Variants in SFXN5 observed in about 807,000 individuals in gnomAD.
SFXN5 encodes sideroflexin-5.
Under a neutral mutation model 50.2 loss-of-function variants are expected in SFXN5, and 43 were observed. That is an observed-to-expected ratio of 0.86 (90% CI 0.67 to 1.11). The LOEUF is 1.11. Ranked by LOEUF, SFXN5 falls within the 50% of genes least tolerant of loss-of-function variation. The pLI, the probability that SFXN5 is intolerant of heterozygous loss-of-function variation, is 0.00. For synonymous variants in SFXN5, 203 were observed against 185.8 expected (o/e 1.09, Z -0.75); for missense variants, 463 against 454.1 (o/e 1.02, Z -0.18).
At chr2:72,962,833 C>A (rs1673900489) in intron 12 of SFXN5, among the ~76,000 whole-genome samples, 1 of 152,208 alleles carries the variant, frequency 6.6e-6, no homozygotes, top group Non-Finnish European at 1.5e-5. Context: ...GTTTGTCCAG[C>A]TGCTAAATCC....
rs1182003108 is a variant in SFXN5 at position 72,943,719 on chromosome 2, C to T, written c.*1303G>A. The T allele has an allele frequency of 6.5e-6, 1 of 152,758 alleles. No individual in the cohort carries two copies. Among genetic ancestry groups the T allele is most frequent in the African/African-American group, 2.4e-5 (1 of 41,456 alleles). 9.5% of individuals were successfully genotyped at this position (152,758 alleles called of 1,614,324 possible). A position where few individuals can be genotyped will look rare whatever the true frequency, so the allele number is the denominator to read the frequency against. ...GGGATATGGAGTCACATACACAAGGCAAGGCCTTCTGCTGAGGCCAACTGC... is the reference window on the plus strand; with the variant it reads ...GGGATATGGAGTCACATACACAAGGTAAGGCCTTCTGCTGAGGCCAACTGC... On this transcript the variant is annotated 3_prime_UTR_variant, in exon 14 of 14. Transcript: ENST00000272433.
intron 6 of SFXN5, among the ~76,000 whole-genome samples, chr2:73,009,073 G>T (rs750267202): frequency 6.6e-6 from 1 of 152,166 alleles, no homozygotes; most frequent in Admixed American, 6.5e-5. Flanking sequence ...AGCCTTACTC[G>T]CCCCTTCCCT....
rs549977417 is a variant in SFXN5 at position 72,961,603 on chromosome 2, T to C, written c.828-355A>G. Among the ~76,000 whole-genome samples the C allele has an allele frequency of 1.5e-3, 232 of 152,278 alleles. No individual in the cohort carries two copies. Among genetic ancestry groups the C allele is most frequent in the African/African-American group, 5.4e-3 (224 of 41,570 alleles). On this transcript the variant is annotated intron_variant, in intron 12 of 13. Coordinates refer to ENST00000272433, the MANE Select transcript of SFXN5 (RefSeq NM_144579.3). The surrounding 1 kb of genome is among the most constrained non-coding windows in gnomAD (Gnocchi z 4.4). ...GACACTCAAAGAGGCTGTCGGCCCC[T>C]GTTCCTGGGGAGACACATAGGGACG...
chr2:72,947,669 G>A (rs764903193), intron 13 of SFXN5, among the ~76,000 whole-genome samples: 21 of 152,204 alleles, frequency 1.4e-4, no homozygotes, highest in Non-Finnish European at 2.5e-4. Flanking sequence ...TAGAGCTGGT[G>A]GGCACAGTGG....
intron 3 of SFXN5, among the ~76,000 whole-genome samples, chr2:73,034,777 T>C (rs1029926489): frequency 2.0e-5 from 3 of 152,164 alleles, no homozygotes; most frequent in African/African-American, 7.2e-5. Context: ...CACTGACTGA[T>C]CCTACCACAA....
intron 10 of SFXN5, among the ~76,000 whole-genome samples, chr2:72,983,957 C>T (rs970564694): frequency 1.3e-5 from 2 of 152,190 alleles, no homozygotes; most frequent in Non-Finnish European, 2.9e-5. Context: ...CACTGTTTGC[C>T]CAGCTTCCCA....
At chr2:73,043,868 T>C (rs1447161762) in intron 2 of SFXN5, among the ~76,000 whole-genome samples, 1 of 152,164 alleles carries the variant, frequency 6.6e-6, no homozygotes, top group Non-Finnish European at 1.5e-5. Context: ...ATCTACAAAA[T>C]TGGATTGTGT....
At chr2:72,955,835 A>G (rs1479432436) in intron 13 of SFXN5, among the ~76,000 whole-genome samples, 7 of 152,148 alleles carry the variant, frequency 4.6e-5, no homozygotes, top group African/African-American at 1.4e-4. Flanking sequence ...CCCAATCACC[A>G]AAGGGGGCAA....
At position 72,944,032 on chromosome 2, in the gene SFXN5, C is replaced by T. The variant is rs1189961150; in HGVS notation, c.*990G>A. 3 of 152,288 alleles carry T rather than the reference C, an allele frequency of 2.0e-5. No individual in the cohort carries two copies. Among genetic ancestry groups the T allele is most frequent in the African/African-American group, 7.2e-5 (3 of 41,456 alleles). The allele number at this position is 152,288 out of a possible 1,614,324, so 9.4% of individuals were successfully genotyped here. On this transcript the variant is annotated 3_prime_UTR_variant, in exon 14 of 14. Coordinates refer to ENST00000272433, the MANE Select transcript of SFXN5 (RefSeq NM_144579.3). ...AGGAGCTGGCCTAGGCATTCTCAGG[C>T]ATGAGACCTTCCTGCTTAGAAAGGG... is the stretch of plus-strand genomic sequence containing the variant.
intron 6 of SFXN5, among the ~76,000 whole-genome samples, chr2:73,017,805 C>T (rs1000179199): frequency 6.6e-6 from 1 of 152,134 alleles, no homozygotes; most frequent in Non-Finnish European, 1.5e-5. Flanking sequence ...GAAGCAATGC[C>T]ACTCCAGTAA....
At chr2:73,047,498 T>C (rs1324976956) in intron 2 of SFXN5, among the ~76,000 whole-genome samples, 3 of 151,244 alleles carry the variant, frequency 2.0e-5, no homozygotes, top group African/African-American at 7.3e-5. Flanking sequence ...TAAATTATAA[T>C]AATCCCCCCA....
intron 4 of SFXN5, 103 bp downstream of exon 4, chr2:73,023,085 C>T (rs527972766): frequency 1.8e-4 from 215 of 1,190,212 alleles, no homozygotes; most frequent in South Asian, 1.5e-3. Flanking sequence ...TGTGAGAGCC[C>T]GAAGAGCCAC....
intron 6 of SFXN5, among the ~76,000 whole-genome samples, chr2:73,006,318 G>A (rs944240855): frequency 3.3e-5 from 5 of 152,112 alleles, no homozygotes; most frequent in Admixed American, 6.6e-5. Flanking sequence ...CCAGCCAACC[G>A]CAGATCCCTA....
chr2:72,970,577 AC>A (rs1675035431), intron 11 of SFXN5, among the ~76,000 whole-genome samples: 1 of 151,858 alleles, frequency 6.6e-6, no homozygotes, highest in African/African-American at 2.4e-5. Flanking sequence ...CACCCATCCT[AC>A]CCCATGCCCA....
At chr2:73,071,286 C>G (rs1379762570) in intron 1 of SFXN5, 2 of 374,258 alleles carry the variant, frequency 5.3e-6, no homozygotes, top group Non-Finnish European at 9.7e-6. Context: ...AGCAGCCGCT[C>G]GAAGCCGGGC....
intron 10 of SFXN5, 47 bp downstream of exon 10, chr2:72,988,211 C>A: frequency 6.4e-7 from 1 of 1,551,774 alleles, no homozygotes; most frequent in Non-Finnish European, 8.8e-7. Flanking sequence ...CCCAGCGGTC[C>A]CCCACACCCA....
At position 72,943,670 on chromosome 2, in the gene SFXN5, G is replaced by A. The variant is rs534909045; in HGVS notation, c.*1352C>T. 6.5e-6 allele frequency: 1 copy of A among 152,922 alleles called. No homozygotes were observed. Among genetic ancestry groups the A allele is most frequent in the African/African-American group, 2.4e-5 (1 of 41,596 alleles). 9.5% of individuals were successfully genotyped at this position (152,922 alleles called of 1,614,324 possible). A position where few individuals can be genotyped will look rare whatever the true frequency, so the allele number is the denominator to read the frequency against. On this transcript the variant is annotated 3_prime_UTR_variant, in exon 14 of 14. Coordinates refer to ENST00000272433, the MANE Select transcript of SFXN5 (RefSeq NM_144579.3). ...ACCTCCTCCTCCAGAACTGTAAAGT[G>A]TTTGGCAAAGGTCAACTGCTCCCGG...
At chr2:72,999,145 C>T in intron 8 of SFXN5, 131 bp from the exon 9 acceptor site, 1 of 887,530 alleles carries the variant, frequency 1.1e-6, no homozygotes, top group Non-Finnish European at 1.8e-6. Flanking sequence ...GAAGAGGCCC[C>T]TCAGGACTCA....
chr2:73,027,916 C>T (rs988672556), intron 3 of SFXN5, among the ~76,000 whole-genome samples: 1 of 152,210 alleles, frequency 6.6e-6, no homozygotes, highest in African/African-American at 2.4e-5. Flanking sequence ...CCCACTTCCA[C>T]CTCCCAAAGT....
Sources: gnomAD v4.1 joint callset for allele counts (sites outside exome capture counted in the v4.1 genomes callset) on GRCh38, gnomAD v4.1.1 for gene constraint, Gnocchi (gnomAD v3.1) non-coding constraint, MANE v1.5 for transcripts, NCBI Gene and HGNC (gene_info 2026-07-23, HGNC 2026-07-21) for gene names.